CCDC171: variants seen among roughly 807,000 people sequenced by gnomAD.
CCDC171 encodes the protein coiled-coil domain-containing protein 171.
A neutral mutation model predicts 168.2 loss-of-function variants in CCDC171; 177 were observed. That is an observed-to-expected ratio of 1.05 (90% CI 0.93 to 1.19). The LOEUF (loss-of-function observed/expected upper bound fraction) is 1.19. CCDC171 is among the 50% of genes most tolerant of loss of function. CCDC171 has a pLI of 0.00. For synonymous variants in CCDC171, 687 were observed against 540.8 expected, an observed-to-expected ratio of 1.27 and a Z score of -3.75; for missense variants, 1,991 against 1,539.0, an observed-to-expected ratio of 1.29 and a Z score of -4.91.
chr9:15,711,104 C>G (rs1335951862), intron 11 of CCDC171, among the ~76,000 whole-genome samples: 1 of 152,120 alleles, frequency 6.6e-6, no homozygotes, highest in Non-Finnish European at 1.5e-5. Context: ...ATAGTAGACT[C>G]TAGCCACATG....
chr9:15,887,056 G>A (rs80242269), intron 24 of CCDC171, among the ~76,000 whole-genome samples: 10,554 of 152,092 alleles, frequency 0.069, 840 homozygotes, highest in African/African-American at 0.19. Context: ...TCATGGTACA[G>A]TGCTATATAA....
intron 4 of CCDC171, among the ~76,000 whole-genome samples, chr9:15,587,225 T>G (rs1300705515): frequency 6.6e-6 from 1 of 152,194 alleles, no homozygotes; most frequent in Non-Finnish European, 1.5e-5. Flanking sequence ...TGATATAGTT[T>G]GGCTCTGTGT....
intron 6 of CCDC171, among the ~76,000 whole-genome samples, chr9:15,622,306 A>T (rs1301445182): frequency 6.6e-6 from 1 of 152,230 alleles, no homozygotes; most frequent in Non-Finnish European, 1.5e-5. Context: ...GAAATAAGAA[A>T]TTGGAAATAT....
chr9:15,572,708 TATAG>T (rs1291678919), intron 3 of CCDC171, among the ~76,000 whole-genome samples: 1 of 152,244 alleles, frequency 6.6e-6, no homozygotes, highest in Non-Finnish European at 1.5e-5. Flanking sequence ...ATGTTGCTGT[TATAG>T]ATATTTTAGA....
chr9:15,751,992 A>G (rs574018650), intron 18 of CCDC171, among the ~76,000 whole-genome samples: 1 of 152,226 alleles, frequency 6.6e-6, no homozygotes, highest in African/African-American at 2.4e-5. Context: ...ATGGGAGAAA[A>G]TTTTTGCAAT....
chr9:15,998,552 G>C (rs926300829), intron 3 of CCDC171, among the ~76,000 whole-genome samples: 4 of 152,116 alleles, frequency 2.6e-5, no homozygotes, highest in Non-Finnish European at 5.9e-5. Context: ...GTCTTTCCAG[G>C]ATAGCAGAGG....
intron 24 of CCDC171, among the ~76,000 whole-genome samples, chr9:15,876,434 A>G (rs183226773): frequency 4.3e-4 from 66 of 152,186 alleles, no homozygotes; most frequent in African/African-American, 1.6e-3. Context: ...AAATGGCACT[A>G]TCTCCATTTT....
chr9:15,991,665 A>G (rs1832204931), intron 3 of CCDC171, among the ~76,000 whole-genome samples: 1 of 152,182 alleles, frequency 6.6e-6, no homozygotes. Flanking sequence ...AAGATCAACA[A>G]AATTGATAGA....
rs146320260 is a variant in CCDC171 at position 15,564,576 on chromosome 9, C to G, written c.41+447C>G. ...GCTGTTTCGCTTCCTTACTTGGTAT[C>G]TCTCAGTTTACCCTTCAAGACGTAA... On this transcript the variant is annotated intron_variant, in intron 2 of 25. Transcript: ENST00000380701. 1.2e-3 allele frequency among the ~76,000 whole-genome samples: 188 copies of G among 152,332 alleles called. 1 individual carries two copies. The highest frequency in any genetic ancestry group is 5.6e-3 in the Admixed American group (85 of 15,304).
At chr9:15,917,315 G>A (rs893803996) in intron 24 of CCDC171, among the ~76,000 whole-genome samples, 1 of 151,880 alleles carries the variant, frequency 6.6e-6, no homozygotes, top group African/African-American at 2.4e-5. Flanking sequence ...ATACATATTA[G>A]TAACATGAAA....
intron 21 of CCDC171, among the ~76,000 whole-genome samples, chr9:15,798,193 A>C (rs2058652866): frequency 6.6e-6 from 1 of 152,146 alleles, no homozygotes; most frequent in South Asian, 2.1e-4. Flanking sequence ...TAAGATATTA[A>C]GTTTACTGAT....
chr9:15,597,894 A>G (rs1272630893), intron 6 of CCDC171, among the ~76,000 whole-genome samples: 2 of 152,096 alleles, frequency 1.3e-5, no homozygotes, highest in Non-Finnish European at 2.9e-5. Flanking sequence ...GTGTCCAGGA[A>G]TTCTTCCATT....
In CCDC171 at chr9:15,828,417, T is replaced by A. The variant is rs115962764; in HGVS notation, c.3268-18285T>A. ...CAGTAACATCCAGTGCCCATACATATTAGGTGTTTAGTTTGAATCTATTTT... is the reference window on the plus strand; with the variant it reads ...CAGTAACATCCAGTGCCCATACATAATAGGTGTTTAGTTTGAATCTATTTT... On this transcript the variant is annotated intron_variant, in intron 21 of 25. Coordinates refer to ENST00000380701, the MANE Select transcript of CCDC171 (RefSeq NM_173550.4). Among the ~76,000 whole-genome samples, 1,467 of 152,190 alleles carry A rather than the reference T, an allele frequency of 9.6e-3. 25 individuals carry two copies. Among genetic ancestry groups the A allele is most frequent in the African/African-American group, 0.034 (1,402 of 41,534 alleles).
intron 21 of CCDC171, among the ~76,000 whole-genome samples, chr9:15,810,675 C>T (rs1013112470): frequency 6.6e-6 from 1 of 152,232 alleles, no homozygotes; most frequent in Non-Finnish European, 1.5e-5. Context: ...CTGGGGCCGG[C>T]AGTGCCGGCT....
chr9:15,792,712 C>G (rs2135625288), intron 21 of CCDC171, among the ~76,000 whole-genome samples: 1 of 152,196 alleles, frequency 6.6e-6, no homozygotes, highest in Non-Finnish European at 1.5e-5. Flanking sequence ...AATTTCATAT[C>G]CAGCCAAACT....
chr9:16,104,082 A>G, the CCDC171 span, among the ~76,000 whole-genome samples: 1 of 151,852 alleles, frequency 6.6e-6, no homozygotes, highest in African/African-American at 2.4e-5. Context: ...CAGGGCCAGC[A>G]TTTTTCTTTC....
chr9:15,686,174 C>G (rs997156755), intron 10 of CCDC171, among the ~76,000 whole-genome samples: 2 of 152,132 alleles, frequency 1.3e-5, no homozygotes, highest in East Asian at 3.9e-4. Flanking sequence ...ATCTGGCTTT[C>G]TATAGATATA....
chr9:16,063,651 A>T (rs1463906345), downstream of CCDC171, among the ~76,000 whole-genome samples: 1 of 151,982 alleles, frequency 6.6e-6, no homozygotes, highest in East Asian at 1.9e-4. Flanking sequence ...GACTGTTTCT[A>T]TAAGAAGTGG....
Position 15,732,302 on chromosome 9 carries a change from A to G in CCDC171, c.2049+2504A>G, listed in dbSNP as rs1257361562. Among the ~76,000 whole-genome samples, 4 of 152,166 alleles carry G rather than the reference A, an allele frequency of 2.6e-5. No homozygotes were observed. The East Asian group carries it at 7.7e-4, about 29-fold the overall frequency. On this transcript the variant is annotated intron_variant, in intron 16 of 25. Transcript: ENST00000380701. Reference sequence around the variant, plus strand: ...ATGTCTTGTTTCTTCTAGAAGTTTCATAGTTTTAGCTTTTACGTCTAAGTT... The same window carrying G: ...ATGTCTTGTTTCTTCTAGAAGTTTCGTAGTTTTAGCTTTTACGTCTAAGTT...
Sources: gnomAD v4.1 joint callset for allele counts (sites outside exome capture counted in the v4.1 genomes callset) on GRCh38, gnomAD v4.1.1 for gene constraint, MANE v1.5 for transcripts, NCBI Gene and HGNC (gene_info 2026-07-23, HGNC 2026-07-21) for gene names.